The following NAA25 variants were observed in gnomAD, a reference collection of about 807,000 sequenced individuals.
The protein encoded by NAA25 is N-alpha-acetyltransferase 25, NatB auxiliary subunit.
A neutral mutation model predicts 132.5 loss-of-function variants in NAA25; 30 were observed. The observed-to-expected ratio is 0.23, with a 90% confidence interval of 0.17 to 0.31. The LOEUF (loss-of-function observed/expected upper bound fraction) is 0.31. Ranked by LOEUF, NAA25 falls within the 10% of genes least tolerant of loss-of-function variation. The pLI is 1.00. For missense variants in NAA25, 771 were observed against 1,150.4 expected (o/e 0.67, Z 4.77); for synonymous variants, 359 against 401.9 (o/e 0.89, Z 1.28).
At chr12:112,077,853 A>G (rs1056423732) in intron 7 of NAA25, among the ~76,000 whole-genome samples, 16 of 151,978 alleles carry the variant, frequency 1.1e-4, no homozygotes, top group Admixed American at 9.8e-4. Flanking sequence ...TCTATGAGCC[A>G]GGTATATTAT....
chr12:112,069,417 C>T (rs1467571612), intron 10 of NAA25, among the ~76,000 whole-genome samples: 2 of 152,080 alleles, frequency 1.3e-5, no homozygotes, highest in Non-Finnish European at 2.9e-5. Flanking sequence ...GGCAAAGGAT[C>T]GCTTGAACCG....
At position 112,071,938 on chromosome 12, in the gene NAA25, A is replaced by T. The variant is rs376379432; in HGVS notation, c.993T>A (p.Ile331=). 6.2e-7 allele frequency: 1 copy of T among 1,614,036 alleles called. No individual in the cohort carries two copies. The highest frequency in any genetic ancestry group is 1.1e-5 in the South Asian group (1 of 91,060). ...TACAACCTTGACTTCGTAAACGCCT[A>T]ATCAGCTCCAATTTAGCTAGATGTG... ...RGPHLAKLEL[I]RRLRSQGCND... is the part of the protein sequence containing the mutation. Residue 331 remains isoleucine (I), a synonymous_variant, in exon 10 of 24, where the codon ATT becomes ATA. Transcript: ENST00000261745.
At chr12:112,059,867 G>C (rs764525936) in intron 13 of NAA25, among the ~76,000 whole-genome samples, 1 of 151,612 alleles carries the variant, frequency 6.6e-6, no homozygotes, top group African/African-American at 2.4e-5. Context: ...AAGTGCAGTG[G>C]CATGATCACA....
intron 15 of NAA25, among the ~76,000 whole-genome samples, chr12:112,050,013 A>C (rs964646369): frequency 6.6e-6 from 1 of 151,704 alleles, no homozygotes; most frequent in African/African-American, 2.4e-5. Flanking sequence ...AGGCAGTTTT[A>C]ATTTCTAAGT....
At chr12:112,069,864 A>G (rs2078779334) in intron 10 of NAA25, among the ~76,000 whole-genome samples, 1 of 151,410 alleles carries the variant, frequency 6.6e-6, no homozygotes, top group African/African-American at 2.4e-5. Context: ...GCAGTGGCTC[A>G]TGTCTGTAAT....
chr12:112,081,708 T>C (rs1209558241), intron 4 of NAA25, among the ~76,000 whole-genome samples: 1 of 152,210 alleles, frequency 6.6e-6, no homozygotes, highest in Admixed American at 6.5e-5. Context: ...TATTCAAGCA[T>C]AATTGAGACT....
Position 112,095,845 on chromosome 12 carries a change from G to A in NAA25, c.59-2709C>T, listed in dbSNP as rs573923491. Among the ~76,000 whole-genome samples the A allele has an allele frequency of 5.9e-5, 9 of 152,232 alleles. No homozygotes were observed. In the East Asian group the frequency reaches 1.5e-3, roughly 26 times the overall value. On this transcript the variant is annotated intron_variant, in intron 1 of 23. Coordinates refer to ENST00000261745, the MANE Select transcript of NAA25 (RefSeq NM_024953.4). ...AGGATGGAGGTTGGGATGGATAGGT[G>A]GAGCACAGGGGATTTTTAGGGCACT...
chr12:112,069,084 T>C, intron 10 of NAA25, 92 bp from the exon 11 acceptor site: 1 of 772,422 alleles, frequency 1.3e-6, no homozygotes, highest in East Asian at 2.6e-5. Context: ...TCATTTCAAT[T>C]AAAACAAAAT....
chr12:112,093,269 G>A (rs2079163517), intron 1 of NAA25, 133 bp from the exon 2 acceptor site: 2 of 569,490 alleles, frequency 3.5e-6, no homozygotes. Flanking sequence ...GCCGGGCGTG[G>A]TGGCTTACAC....
chr12:112,036,713 C>T (rs2078227721), intron 22 of NAA25, among the ~76,000 whole-genome samples: 1 of 151,602 alleles, frequency 6.6e-6, no homozygotes, highest in Non-Finnish European at 1.5e-5. Context: ...ACTGGGAGAG[C>T]GGCATCTGCC....
At chr12:112,090,478 G>T (rs2136926939) in intron 3 of NAA25, 1 of 345,052 alleles carries the variant, frequency 2.9e-6, no homozygotes, top group Non-Finnish European at 5.2e-6. Flanking sequence ...TGAAAATAAG[G>T]GTGAAGCCTC....
intron 7 of NAA25, among the ~76,000 whole-genome samples, chr12:112,077,415 G>A (rs1479439817): frequency 6.6e-6 from 1 of 151,722 alleles, no homozygotes; most frequent in African/African-American, 2.4e-5. Context: ...AGAGGTTGCA[G>A]TGAGCCGAGA....
chr12:112,068,840 T>G (rs368366227), intron 11 of NAA25, 40 bp downstream of exon 11: 1 of 1,124,842 alleles, frequency 8.9e-7, no homozygotes, highest in Admixed American at 2.3e-5. Flanking sequence ...TTTCAACAAA[T>G]AGAGGCACCC....
chr12:112,088,321 T>G (rs1188315069), intron 3 of NAA25, among the ~76,000 whole-genome samples: 2 of 141,110 alleles, frequency 1.4e-5, no homozygotes, highest in Non-Finnish European at 3.1e-5. Flanking sequence ...ATTGTAGTTT[T>G]TTTTTTTTTT....
chr12:112,068,746 G>A (rs1483972429), intron 11 of NAA25, 134 bp downstream of exon 11: 1 of 557,490 alleles, frequency 1.8e-6, no homozygotes, highest in Non-Finnish European at 3.2e-6. Context: ...AGAGTACTTA[G>A]CTTGACAGGG....
intron 11 of NAA25, among the ~76,000 whole-genome samples, chr12:112,061,782 A>C (rs2078633719): frequency 6.6e-6 from 1 of 152,208 alleles, no homozygotes; most frequent in African/African-American, 2.4e-5. Flanking sequence ...AAAAAAAATT[A>C]ATCTGTAATT....
chr12:112,078,683 C>A lies in NAA25; in HGVS notation c.536G>T (p.Arg179Ile). Residue 179 changes from arginine (R) to isoleucine (I), a missense_variant, in exon 6 of 24, where the codon AGA (arginine) becomes ATA (isoleucine). Arg to Ile is a moderately conservative substitution (Grantham distance 97). This residue lies in a region of NAA25 where 417 missense variants were observed against 733.8 expected (regional missense o/e 0.57). Coordinates refer to ENST00000261745, the MANE Select transcript of NAA25 (RefSeq NM_024953.4). ...SKTMFLPLAE[R>I]MVEKMVKEDK... Reference sequence around the variant, plus strand: ...CTCTTTCACCATTTTTTCGACCATTCTCTCAGCAAGGGGCAGAAACATTGT... The same window carrying A: ...CTCTTTCACCATTTTTTCGACCATTATCTCAGCAAGGGGCAGAAACATTGT... The A allele has an allele frequency of 6.2e-7, 1 of 1,613,934 alleles. No individual in the cohort carries two copies.
intron 1 of NAA25, among the ~76,000 whole-genome samples, chr12:112,095,208 C>A (rs531066818): frequency 6.6e-6 from 1 of 151,926 alleles, no homozygotes; most frequent in South Asian, 2.1e-4. Flanking sequence ...GAGGCCGAGG[C>A]GGGCGGATCA....
rs1162849913 is a variant in NAA25, at chr12:112,029,206, C to T, written c.*325G>A. ...GATGCTTTATGCTTAATTTCTATTGCTGTTTTTATAGACCCCCCGCTCCCC... is the reference window on the plus strand; with the variant it reads ...GATGCTTTATGCTTAATTTCTATTGTTGTTTTTATAGACCCCCCGCTCCCC... On this transcript the variant is annotated 3_prime_UTR_variant, in exon 24 of 24. Coordinates refer to ENST00000261745, the MANE Select transcript of NAA25 (RefSeq NM_024953.4). 3.8e-6 allele frequency: 1 copy of T among 264,392 alleles called. No homozygotes were observed. The highest frequency in any genetic ancestry group is 2.2e-5 in the African/African-American group (1 of 45,282). The allele number at this position is 264,392 out of a possible 1,614,324, so 16.4% of individuals were successfully genotyped here.
Sources: gnomAD v4.1 joint callset for allele counts (sites outside exome capture counted in the v4.1 genomes callset) on GRCh38, gnomAD v4.1.1 for gene constraint, gnomAD v4.1.1 regional missense constraint, MANE v1.5 for transcripts, NCBI Gene and HGNC (gene_info 2026-07-23, HGNC 2026-07-21) for gene names.